Variants in MYCBP2 observed in about 807,000 individuals in gnomAD.
MYCBP2 encodes the protein E3 ubiquitin-protein ligase MYCBP2.
Under a neutral mutation model 525.3 loss-of-function variants are expected in MYCBP2, and 120 were observed. The observed-to-expected ratio is 0.23, with a 90% confidence interval of 0.20 to 0.27. MYCBP2 has a LOEUF of 0.27. Among genes scored for constraint, MYCBP2 ranks in the 10% least tolerant of loss-of-function variants. The probability of loss-of-function intolerance (pLI) is 1.00; values close to 1 mark genes in which losing one functional copy is unlikely to be tolerated. For synonymous variants in MYCBP2, 1,894 were observed against 1,955.8 expected, an observed-to-expected ratio of 0.97 and a Z score of 0.83; for missense variants, 4,149 against 5,657.1, an observed-to-expected ratio of 0.73 and a Z score of 8.55.
At chr13:77,223,088 C>G (rs2065815616) in intron 20 of MYCBP2, among the ~76,000 whole-genome samples, 1 of 152,194 alleles carries the variant, frequency 6.6e-6, no homozygotes, top group Non-Finnish European at 1.5e-5. Flanking sequence ...ACCACAGACA[C>G]AGACCACTCA....
intron 26 of MYCBP2, among the ~76,000 whole-genome samples, chr13:77,199,745 A>G (rs1250245326): frequency 6.6e-6 from 1 of 152,192 alleles, no homozygotes; most frequent in Non-Finnish European, 1.5e-5. Flanking sequence ...CTGACCCTCC[A>G]GCAGCCTAAC....
At chr13:77,127,148 G>A (rs2051817308) in intron 52 of MYCBP2, among the ~76,000 whole-genome samples, 1 of 151,848 alleles carries the variant, frequency 6.6e-6, no homozygotes, top group South Asian at 2.1e-4. Context: ...CTCTAATATT[G>A]TACAAATAAA....
intron 52 of MYCBP2, among the ~76,000 whole-genome samples, chr13:77,130,614 G>T (rs1490872339): frequency 6.6e-6 from 1 of 151,936 alleles, no homozygotes; most frequent in East Asian, 1.9e-4. Context: ...TTTCTCTTTA[G>T]GTAAAGTGAA....
intron 47 of MYCBP2, among the ~76,000 whole-genome samples, chr13:77,148,146 T>A (rs1222988801): frequency 1.3e-5 from 2 of 151,858 alleles, no homozygotes; most frequent in Non-Finnish European, 2.9e-5. Context: ...GTAGAAATAA[T>A]TTTAAAATTT....
intron 69 of MYCBP2, among the ~76,000 whole-genome samples, chr13:77,069,909 ATATTT>A (rs2040884244): frequency 6.6e-6 from 1 of 152,016 alleles, no homozygotes; most frequent in Non-Finnish European, 1.5e-5. Context: ...TTTAAAATCA[ATATTT>A]TATTTGACTT....
At chr13:77,070,031 T>C (rs1056509485) in intron 69 of MYCBP2, among the ~76,000 whole-genome samples, 12 of 152,168 alleles carry the variant, frequency 7.9e-5, no homozygotes, top group African/African-American at 2.9e-4. Context: ...TAGTTAACAC[T>C]GTTAATTGCT....
rs754143809 is a variant in MYCBP2 at position 77,181,734 on chromosome 13, G to C, written c.4908C>G (p.Pro1636=). The change falls in exon 33 of 83, where the codon CCC becomes CCG. Residue 1636 remains proline, a synonymous_variant. Coordinates refer to ENST00000544440, the MANE Select transcript of MYCBP2 (RefSeq NM_015057.5). The part of the protein sequence containing the change: ...ENDSTLVHRF[P]LLVAHMEKLS... ...GTTTTTCCATATGTGCCACCAAAAG[G>C]GGAAAACGATGAACTAGTGTTGAGT... The C allele has an allele frequency of 5.6e-6, 9 of 1,613,804 alleles. No individual in the cohort carries two copies. Among genetic ancestry groups the C allele is most frequent in the African/African-American group, 1.3e-5 (1 of 74,866 alleles).
chr13:77,233,265 T>C lies in MYCBP2; in HGVS notation c.2630-2A>G, dbSNP rs373873724. On this transcript the variant is annotated splice_acceptor_variant, in intron 17 of 82. Coordinates refer to ENST00000544440, the MANE Select transcript of MYCBP2 (RefSeq NM_015057.5). LOFTEE classifies it high-confidence loss of function. ...TAGGACCAGCAAATACAAGGGGGCC[T>C]GAGGAGAAACATTTTGTATGTGCAT... The C allele has an allele frequency of 1.6e-5, 25 of 1,610,304 alleles. No homozygotes were observed. Among genetic ancestry groups the C allele is most frequent in the Non-Finnish European group, 1.8e-5 (21 of 1,176,994 alleles).
At chr13:77,322,659 AACAG>A (rs914425046) in intron 1 of MYCBP2, among the ~76,000 whole-genome samples, 2 of 152,228 alleles carry the variant, frequency 1.3e-5, no homozygotes, top group African/African-American at 2.4e-5. Context: ...CAAGTAAAGA[AACAG>A]ACAAAGTCTA....
At chr13:77,261,053 T>C in intron 12 of MYCBP2, 118 bp downstream of exon 12, 11 of 709,900 alleles carry the variant, frequency 1.5e-5, no homozygotes, top group South Asian at 2.2e-5. Flanking sequence ...GTCAATGATA[T>C]ATATATAAAG....
At chr13:77,236,825 T>C (rs934400902) in intron 17 of MYCBP2, among the ~76,000 whole-genome samples, 4 of 151,880 alleles carry the variant, frequency 2.6e-5, no homozygotes, top group African/African-American at 9.7e-5. Context: ...TTGGGCCCAG[T>C]TGTTCGAGGC....
chr13:77,052,458 C>T (rs1330905014), intron 80 of MYCBP2, among the ~76,000 whole-genome samples: 2 of 152,244 alleles, frequency 1.3e-5, no homozygotes, highest in Non-Finnish European at 2.9e-5. Flanking sequence ...CTTGGCCTCC[C>T]AAAGTGCTGG....
chr13:77,106,280 T>C (rs1173686616), intron 55 of MYCBP2, among the ~76,000 whole-genome samples: 2 of 152,172 alleles, frequency 1.3e-5, no homozygotes, highest in Non-Finnish European at 1.5e-5. Flanking sequence ...TAATACATTA[T>C]TTTTTAAAAG....
At chr13:77,184,172 A>G (rs2060516993) in intron 32 of MYCBP2, among the ~76,000 whole-genome samples, 1 of 152,164 alleles carries the variant, frequency 6.6e-6, no homozygotes, top group African/African-American at 2.4e-5. Context: ...AAATCCCACA[A>G]ATTCTGATAT....
chr13:77,062,686 A>T lies in MYCBP2; in HGVS notation c.12684T>A (p.Ala4228=). 1.2e-6 allele frequency: 2 copies of T among 1,614,072 alleles called. No individual in the cohort carries two copies. Among genetic ancestry groups the T allele is most frequent in the Non-Finnish European group, 1.7e-6 (2 of 1,179,956 alleles). The change falls in exon 74 of 83, where the codon GCT becomes GCA. Residue 4228 remains alanine (A), a synonymous_variant. Transcript: ENST00000544440. ...GATCAAGAACACATAGGGATGCGAG[A>T]GCAAGCCAGAGCTGTTGAAAGGGAA... is the stretch of plus-strand genomic sequence containing the variant. ...RCIATTRLWL[A]LASLCVLDQD...
At chr13:77,261,449 A>G in intron 11 of MYCBP2, 74 bp from the exon 12 acceptor site, 1 of 1,047,612 alleles carries the variant, frequency 9.5e-7, no homozygotes, top group South Asian at 1.6e-5. Context: ...GAGGAAAAAA[A>G]AGGACATCAA....
At chr13:77,110,595 C>T (rs1468758223) in intron 55 of MYCBP2, among the ~76,000 whole-genome samples, 1 of 152,080 alleles carries the variant, frequency 6.6e-6, no homozygotes, top group Non-Finnish European at 1.5e-5. Flanking sequence ...TCTTGCATCC[C>T]CTCCCTTTTT....
At chr13:77,317,197 T>A (rs905290999) in intron 1 of MYCBP2, among the ~76,000 whole-genome samples, 2 of 152,160 alleles carry the variant, frequency 1.3e-5, no homozygotes, top group African/African-American at 4.8e-5. Context: ...CGTGATCCAC[T>A]CATCTCGGCC....
At position 77,123,853 on chromosome 13, in the gene MYCBP2, C is replaced by A. The variant is rs1385000050; in HGVS notation, c.8017+1483G>T. ...GTATTTTCATTTATATCTGAATATT[C>A]CTATATAAAGAAAAATGTTTAAAAA... On this transcript the variant is annotated intron_variant, in intron 54 of 82. Transcript: ENST00000544440. Among the ~76,000 whole-genome samples, 3 of 151,894 alleles carry A rather than the reference C, an allele frequency of 2.0e-5. No individual in the cohort carries two copies. In the East Asian group the frequency reaches 5.8e-4, roughly 29 times the overall value.
Sources: allele counts gnomAD v4.1 joint callset (sites outside exome capture counted in the v4.1 genomes callset), GRCh38; gene constraint gnomAD v4.1.1; transcripts MANE v1.5; gene names NCBI Gene and HGNC (gene_info 2026-07-23, HGNC 2026-07-21).